CLSTN1: variants seen among roughly 807,000 people sequenced by gnomAD.
The protein encoded by CLSTN1 is calsyntenin 1.
CLSTN1 carries 28 observed loss-of-function variants against 108.3 expected under a neutral mutation model. The ratio of observed to expected loss-of-function variants is 0.26; its 90% CI spans 0.19 to 0.35. The LOEUF (loss-of-function observed/expected upper bound fraction) is 0.35, where lower values mean the gene tolerates loss of function less well. CLSTN1 is among the 10% of genes least tolerant of loss of function. The pLI is 1.00. For synonymous variants in CLSTN1, 524 were observed against 534.9 expected, an observed-to-expected ratio of 0.98 and a Z score of 0.28; for missense variants, 1,157 against 1,302.6, an observed-to-expected ratio of 0.89 and a Z score of 1.72.
chr1:9,801,795 A>T (rs1201667584), intron 1 of CLSTN1, among the ~76,000 whole-genome samples: 1 of 152,134 alleles, frequency 6.6e-6, no homozygotes, highest in East Asian at 1.9e-4. Context: ...AGCTCAGGTG[A>T]TCCGCCCACC....
intron 1 of CLSTN1, among the ~76,000 whole-genome samples, chr1:9,809,704 C>T (rs995633479): frequency 6.6e-6 from 1 of 151,882 alleles, no homozygotes; most frequent in Admixed American, 6.6e-5. Context: ...AGTTCGAGAC[C>T]AACCTGGCCA....
At chr1:9,735,231 C>T in intron 13 of CLSTN1, 57 bp from the exon 14 acceptor site, 1 of 1,578,288 alleles carries the variant, frequency 6.3e-7, no homozygotes, top group Non-Finnish European at 8.7e-7. Context: ...TGGAGCCCAC[C>T]TGTGCAAAGG....
chr1:9,740,147 C>T (rs1457459624), intron 10 of CLSTN1, among the ~76,000 whole-genome samples: 2 of 151,982 alleles, frequency 1.3e-5, no homozygotes, highest in East Asian at 1.9e-4. Flanking sequence ...GCAGCCTCTG[C>T]CTCCTGGGTT....
chr1:9,786,170 C>T (rs750011097), intron 1 of CLSTN1, among the ~76,000 whole-genome samples: 11 of 151,822 alleles, frequency 7.2e-5, no homozygotes, highest in Non-Finnish European at 7.4e-5. Context: ...GACTGGGTGA[C>T]AGAGCGAGAC....
At chr1:9,785,162 C>T (rs906588335) in intron 1 of CLSTN1, among the ~76,000 whole-genome samples, 10 of 151,944 alleles carry the variant, frequency 6.6e-5, no homozygotes, top group African/African-American at 2.2e-4. Context: ...GGTGATCCAC[C>T]GTGCCTGGCT....
chr1:9,782,435 G>A (rs566188393), intron 1 of CLSTN1, among the ~76,000 whole-genome samples: 17 of 152,216 alleles, frequency 1.1e-4, no homozygotes, highest in African/African-American at 3.9e-4. Flanking sequence ...TATTAGGTAA[G>A]TAATGTGTTT....
At chr1:9,776,432 A>G (rs978858116) in intron 1 of CLSTN1, among the ~76,000 whole-genome samples, 2 of 152,182 alleles carry the variant, frequency 1.3e-5, no homozygotes, top group East Asian at 3.9e-4. Context: ...AGGAATTTGG[A>G]GGTTGGTTGC....
At chr1:9,815,597 G>A (rs1209817426) in intron 1 of CLSTN1, among the ~76,000 whole-genome samples, 1 of 152,178 alleles carries the variant, frequency 6.6e-6, no homozygotes, top group African/African-American at 2.4e-5. Context: ...AGTGGATACA[G>A]GATGGTGCAG....
At chr1:9,746,833 C>A (rs1266122690) in intron 7 of CLSTN1, among the ~76,000 whole-genome samples, 1 of 152,064 alleles carries the variant, frequency 6.6e-6, no homozygotes, top group Non-Finnish European at 1.5e-5. Context: ...AAGGTCAATA[C>A]CCACCTACTT....
intron 3 of CLSTN1, among the ~76,000 whole-genome samples, chr1:9,755,980 T>C (rs906140480): frequency 6.6e-6 from 1 of 152,320 alleles, no homozygotes; most frequent in African/African-American, 2.4e-5. Context: ...CTGGCTAGAC[T>C]TGCCTTTGTT....
Position 9,755,282 on chromosome 1 carries a change from C to T in CLSTN1, c.272G>A (p.Gly91Glu), listed in dbSNP as rs1470611256. The T allele has an allele frequency of 6.2e-7, 1 of 1,612,688 alleles. No homozygotes were observed. The highest frequency in any genetic ancestry group is 8.5e-7 in the Non-Finnish European group (1 of 1,179,058). ...CACTGCATCAAAGGGGACATTCTGC[C>T]CGTGAATTTTAAATCCACAAATCTC... ...EGEICGFKIH[G>E]QNVPFDAVVV... is the part of the protein sequence containing the mutation. The change falls in exon 4 of 19, where the codon GGG becomes GAG. Residue 91 changes from glycine to glutamate, a missense_variant. Gly to Glu is a moderately conservative substitution (Grantham distance 98). Transcript: ENST00000377298.
Position 9,805,021 on chromosome 1 carries a change from G to A in CLSTN1, c.91+18622C>T, listed in dbSNP as rs909520706. Among the ~76,000 whole-genome samples the A allele has an allele frequency of 1.8e-4, 27 of 152,034 alleles. 1 individual carries two copies. The highest frequency in any genetic ancestry group is 1.4e-3 in the Admixed American group (21 of 15,258). ...CCTGTAATCCCAGCTACTCGGGAGT[G>A]AGGCAGGAGAATCACTTGAACCTGG... On this transcript the variant is annotated intron_variant, in intron 1 of 18. Transcript: ENST00000377298.
At chr1:9,805,188 T>C (rs930778588) in intron 1 of CLSTN1, among the ~76,000 whole-genome samples, 4 of 152,100 alleles carry the variant, frequency 2.6e-5, no homozygotes, top group Non-Finnish European at 2.9e-5. Context: ...CAGGAAAAAG[T>C]TGAACTAACT....
At chr1:9,808,649 G>C (rs531210246) in intron 1 of CLSTN1, among the ~76,000 whole-genome samples, 1 of 151,988 alleles carries the variant, frequency 6.6e-6, no homozygotes. Flanking sequence ...GGGCCAGTTC[G>C]GTTTACCCAG....
intron 1 of CLSTN1, among the ~76,000 whole-genome samples, chr1:9,817,673 T>C (rs529039405): frequency 1.1e-4 from 16 of 152,212 alleles, no homozygotes; most frequent in Non-Finnish European, 2.2e-4. Context: ...TAAACTCTGC[T>C]ACTTTGAAGT....
rs1650228781 is a variant in CLSTN1, at chr1:9,729,648, A to T, written c.*860T>A. On this transcript the variant is annotated 3_prime_UTR_variant, in exon 19 of 19. Transcript: ENST00000377298. ...AAACCACAAGGCTGCACACGGTGAGACCAGGCCACTGCCCAGGGAGCTGCT... is the reference window on the plus strand; with the variant it reads ...AAACCACAAGGCTGCACACGGTGAGTCCAGGCCACTGCCCAGGGAGCTGCT... The T allele has an allele frequency of 6.6e-6, 1 of 152,486 alleles. No homozygotes were observed. Among genetic ancestry groups the T allele is most frequent in the Admixed American group, 6.5e-5 (1 of 15,282 alleles). 9.4% of individuals were successfully genotyped at this position (152,486 alleles called of 1,614,324 possible).
chr1:9,796,088 CCTGT>C (rs1055536259), intron 1 of CLSTN1, among the ~76,000 whole-genome samples: 8 of 150,630 alleles, frequency 5.3e-5, no homozygotes, highest in Non-Finnish European at 1.2e-4. Context: ...ATGGTGAAAC[CCTGT>C]CTCTACTAAA....
At chr1:9,737,678 C>G in intron 10 of CLSTN1, 124 bp from the exon 11 acceptor site, 1 of 835,600 alleles carries the variant, frequency 1.2e-6, no homozygotes, top group South Asian at 1.5e-5. Flanking sequence ...CCCTCGTGAT[C>G]CCGCTCTGGG....
At chr1:9,806,661 C>T (rs532110577) in intron 1 of CLSTN1, among the ~76,000 whole-genome samples, 4 of 152,160 alleles carry the variant, frequency 2.6e-5, no homozygotes, top group South Asian at 2.1e-4. Flanking sequence ...AGGTGGATCA[C>T]GAGGTCAGGA....
Sources: allele counts gnomAD v4.1 joint callset (sites outside exome capture counted in the v4.1 genomes callset), GRCh38; gene constraint gnomAD v4.1.1; transcripts MANE v1.5; gene names NCBI Gene and HGNC (gene_info 2026-07-23, HGNC 2026-07-21).